Variants in PLEKHB2 observed in about 807,000 individuals in gnomAD.
The protein encoded by PLEKHB2 is pleckstrin homology domain containing B2.
A neutral mutation model predicts 36.5 loss-of-function variants in PLEKHB2; 31 were observed. That is an observed-to-expected ratio of 0.85 (90% CI 0.64 to 1.15). The LOEUF is 1.15. Ranked by LOEUF, PLEKHB2 falls within the 50% of genes most tolerant of loss-of-function variation. PLEKHB2 has a pLI of 0.00. For synonymous variants in PLEKHB2, 119 were observed against 112.0 expected, an observed-to-expected ratio of 1.06 and a Z score of -0.39; for missense variants, 262 against 295.3, an observed-to-expected ratio of 0.89 and a Z score of 0.83.
chr2:131,123,642 A>G (rs1696754300), intron 2 of PLEKHB2, among the ~76,000 whole-genome samples: 4 of 152,182 alleles, frequency 2.6e-5, no homozygotes, highest in South Asian at 4.2e-4. Flanking sequence ...TTCCTGCTTC[A>G]GCCTCCTGAG....
rs560329897 is a variant in PLEKHB2 at position 131,140,398 on chromosome 2, A to G, written c.532+123A>G. ...GAGCTATATTTTCTGGTTGTAGACT[A>G]CAAATCACTCTGTTACTATGCTTTA... On this transcript the variant is annotated intron_variant, in intron 7 of 7. Transcript: ENST00000693505. The G allele has an allele frequency of 1.5e-3, 919 of 601,550 alleles. 2 individuals are homozygous for G. Among genetic ancestry groups the G allele is most frequent in the Non-Finnish European group, 2.2e-3 (747 of 338,166 alleles). 37.3% of individuals were successfully genotyped at this position (601,550 alleles called of 1,614,324 possible). A position where few individuals can be genotyped will look rare whatever the true frequency, so the allele number is the denominator to read the frequency against.
rs1037819431 is a variant in PLEKHB2, at chr2:131,126,001, C to T, written c.190+96C>T. The T allele has an allele frequency of 3.2e-6, 4 of 1,247,050 alleles. No homozygotes were observed. In the African/African-American group the frequency reaches 6.0e-5, roughly 19 times the overall value. The allele number at this position is 1,247,050 out of a possible 1,614,324, so 77.2% of individuals were successfully genotyped here. ...TCCTTCCCTGTTCTGCTTTCATTAA[C>T]AGATTGAAGAAGGGCTCCATCTCAG... On this transcript the variant is annotated intron_variant, in intron 3 of 7. Coordinates refer to ENST00000693505, the MANE Select transcript of PLEKHB2 (RefSeq NM_001100623.2).
At chr2:131,140,313 A>G (rs781401616) in intron 7 of PLEKHB2, 38 bp downstream of exon 7, 3 of 1,112,702 alleles carry the variant, frequency 2.7e-6, no homozygotes, top group African/African-American at 1.5e-5. Flanking sequence ...ATTTCTCTCC[A>G]TTTGCTGAGT....
At position 131,116,012 on chromosome 2, in the gene PLEKHB2, C is replaced by A. The variant is rs144717405; in HGVS notation, c.-8-4922C>A. Among the ~76,000 whole-genome samples the A allele has an allele frequency of 2.6e-5, 4 of 152,234 alleles. No homozygotes were observed. In the East Asian group the frequency reaches 7.7e-4, roughly 29 times the overall value. On this transcript the variant is annotated intron_variant, in intron 1 of 7. Coordinates refer to ENST00000693505, the MANE Select transcript of PLEKHB2 (RefSeq NM_001100623.2). Reference sequence around the variant, plus strand: ...GTTCCACAGAATGAGGAGAGGTAGACAGGATGACATAAGATAAGAAGCTAC... The same window carrying A: ...GTTCCACAGAATGAGGAGAGGTAGAAAGGATGACATAAGATAAGAAGCTAC...
At chr2:131,131,526 G>A (rs1697679557) in intron 5 of PLEKHB2, among the ~76,000 whole-genome samples, 1 of 152,158 alleles carries the variant, frequency 6.6e-6, no homozygotes, top group Non-Finnish European at 1.5e-5. Flanking sequence ...AAGGGAGTGT[G>A]TTACTCTGGT....
chr2:131,129,145 T>C lies in PLEKHB2; in HGVS notation c.294-1576T>C, dbSNP rs1230129858. ...TTCGAGACCAGCCTGGCCAACATGGTGAAACCTCGTCTCTACTAAAAATAC... is the reference window on the plus strand; with the variant it reads ...TTCGAGACCAGCCTGGCCAACATGGCGAAACCTCGTCTCTACTAAAAATAC... On this transcript the variant is annotated intron_variant, in intron 4 of 7. Transcript: ENST00000693505. Among the ~76,000 whole-genome samples, 3 of 151,986 alleles carry C rather than the reference T, an allele frequency of 2.0e-5. No homozygotes were observed. In the East Asian group the frequency reaches 5.8e-4, roughly 29 times the overall value.
At chr2:131,139,460 C>G (rs1015018056) in intron 6 of PLEKHB2, among the ~76,000 whole-genome samples, 1 of 152,234 alleles carries the variant, frequency 6.6e-6, no homozygotes, top group Admixed American at 6.5e-5. Context: ...CTGGCTACAA[C>G]TCTGTTCTCC....
At chr2:131,133,457 T>G (rs1320277754) in intron 6 of PLEKHB2, among the ~76,000 whole-genome samples, 1 of 152,256 alleles carries the variant, frequency 6.6e-6, no homozygotes, top group Non-Finnish European at 1.5e-5. Context: ...TTAAAAAAAT[T>G]GAATTTTGAA....
chr2:131,126,500 G>A (rs1697121561), intron 3 of PLEKHB2, among the ~76,000 whole-genome samples, 184 bp from the exon 4 acceptor site: 1 of 152,140 alleles, frequency 6.6e-6, no homozygotes, highest in Admixed American at 6.6e-5. Context: ...ACGTCATCTT[G>A]GCAGCTGGTC....
At chr2:131,137,402 T>A (rs1352666625) in intron 6 of PLEKHB2, among the ~76,000 whole-genome samples, 1 of 152,232 alleles carries the variant, frequency 6.6e-6, no homozygotes, top group Non-Finnish European at 1.5e-5. Flanking sequence ...CACATGACCT[T>A]TCTTCTGGGT....
chr2:131,121,265 T>A (rs1277947616), intron 2 of PLEKHB2, among the ~76,000 whole-genome samples: 1 of 152,194 alleles, frequency 6.6e-6, no homozygotes, highest in East Asian at 1.9e-4. Context: ...TTTATTTATT[T>A]ATTTTTTGAG....
chr2:131,106,169 A>G (rs1403785456), intron 1 of PLEKHB2, among the ~76,000 whole-genome samples: 2 of 152,140 alleles, frequency 1.3e-5, no homozygotes, highest in African/African-American at 4.8e-5. Flanking sequence ...TAAATCTCAA[A>G]TGTAGACCGG....
chr2:131,114,625 T>C (rs1188285378), intron 1 of PLEKHB2, among the ~76,000 whole-genome samples: 2 of 152,200 alleles, frequency 1.3e-5, no homozygotes, highest in Non-Finnish European at 2.9e-5. Context: ...TTTTACTAGA[T>C]ACCCTAAATC....
chr2:131,136,732 C>T (rs1174977732), intron 6 of PLEKHB2, among the ~76,000 whole-genome samples: 2 of 151,262 alleles, frequency 1.3e-5, no homozygotes, highest in Non-Finnish European at 2.9e-5. Context: ...TTTTTTTGTA[C>T]TTTGTTTTGT....
chr2:131,122,049 C>T (rs1696575143), intron 2 of PLEKHB2, among the ~76,000 whole-genome samples: 3 of 152,096 alleles, frequency 2.0e-5, no homozygotes. Flanking sequence ...CAGGCGCACG[C>T]CACCATGCCT....
At position 131,136,312 on chromosome 2, in the gene PLEKHB2, G is replaced by A. The variant is rs565296457; in HGVS notation, c.423+3321G>A. On this transcript the variant is annotated intron_variant, in intron 6 of 7. Transcript: ENST00000693505. ...TACTATCATTAGCTCACTTCAGCCTGGAATTCCTGGGCTGAGGCAATCCTC... is the reference window on the plus strand; with the variant it reads ...TACTATCATTAGCTCACTTCAGCCTAGAATTCCTGGGCTGAGGCAATCCTC... Among the ~76,000 whole-genome samples the A allele has an allele frequency of 2.0e-5, 3 of 150,674 alleles. No homozygotes were observed. In the South Asian group the frequency reaches 6.3e-4, roughly 32 times the overall value.
intron 2 of PLEKHB2, among the ~76,000 whole-genome samples, chr2:131,121,392 G>A (rs1423443376): frequency 1.3e-5 from 2 of 152,142 alleles, no homozygotes; most frequent in African/African-American, 4.8e-5. Context: ...GGGATCACAG[G>A]CACACACCAC....
intron 1 of PLEKHB2, among the ~76,000 whole-genome samples, chr2:131,108,868 C>T (rs1333638836): frequency 6.6e-6 from 1 of 152,214 alleles, no homozygotes; most frequent in Non-Finnish European, 1.5e-5. Context: ...ATGCCAACTA[C>T]TTACATATTA....
Position 131,146,705 on chromosome 2 carries a change from C to T in PLEKHB2, c.601C>T (p.Leu201=). The change falls in exon 8 of 8, where the codon CTG becomes TTG. Residue 201 remains leucine, a synonymous_variant. Transcript: ENST00000693505. ...GCGCTATCGAGACAACGACAGCGAC[C>T]TGGCACTGGGCATGCTGGCAGGAGC... ...RERYRDNDSD[L]ALGMLAGAAT... The T allele has an allele frequency of 6.2e-7, 1 of 1,614,002 alleles. No individual in the cohort carries two copies. The highest frequency in any genetic ancestry group is 1.6e-4 in the Middle Eastern group (1 of 6,062).
Sources: allele counts gnomAD v4.1 joint callset (sites outside exome capture counted in the v4.1 genomes callset), GRCh38; gene constraint gnomAD v4.1.1; transcripts MANE v1.5; gene names NCBI Gene and HGNC (gene_info 2026-07-23, HGNC 2026-07-21).